The following LSMEM1 variants were observed in gnomAD, a reference collection of about 807,000 sequenced individuals.
LSMEM1 encodes the protein leucine-rich single-pass membrane protein 1.
A neutral mutation model predicts 11.3 loss-of-function variants in LSMEM1; 10 were observed. That is an observed-to-expected ratio of 0.89 (90% CI 0.55 to 1.50). The LOEUF (loss-of-function observed/expected upper bound fraction) is 1.50. Ranked by LOEUF, LSMEM1 falls within the 40% of genes most tolerant of loss-of-function variation. The pLI, the probability that LSMEM1 is intolerant of heterozygous loss-of-function variation, is 0.00. For synonymous variants in LSMEM1, 65 were observed against 59.3 expected (o/e 1.10, Z -0.44); for missense variants, 151 against 152.9 (o/e 0.99, Z 0.06).
chr7:112,484,700 T>G lies in LSMEM1; in HGVS notation c.-5-112T>G. ...TCTCTAGAGCCTTAGTTGAAAATAC[T>G]ATTTGTGGGTGGTTCTTCATAGGCC... is the stretch of plus-strand genomic sequence containing the variant. On this transcript the variant is annotated intron_variant, in intron 1 of 3. Coordinates refer to ENST00000312849, the MANE Select transcript of LSMEM1 (RefSeq NM_182597.3). 1.0e-5 allele frequency: 11 copies of G among 1,071,014 alleles called. No individual in the cohort carries two copies. In the South Asian group the frequency reaches 1.8e-4, roughly 17 times the overall value. 66.3% of individuals were successfully genotyped at this position (1,071,014 alleles called of 1,614,324 possible).
chr7:112,486,775 C>CA (rs925655074), intron 2 of LSMEM1, 148 bp from the exon 3 acceptor site: 1,502 of 1,089,432 alleles, frequency 1.4e-3, no homozygotes, highest in Non-Finnish European at 1.5e-3. Flanking sequence ...GACTCTGTCT[C>CA]AAAAAAAAAG....
chr7:112,487,510 A>G (rs1225862248), intron 3 of LSMEM1, among the ~76,000 whole-genome samples: 1 of 152,244 alleles, frequency 6.6e-6, no homozygotes, highest in Non-Finnish European at 1.5e-5. Context: ...GGCTTGTGCA[A>G]GGCCCCAGAG....
chr7:112,487,416 C>T (rs374339386), intron 3 of LSMEM1, among the ~76,000 whole-genome samples: 3 of 152,350 alleles, frequency 2.0e-5, no homozygotes, highest in African/African-American at 7.2e-5. Context: ...TCTATAACAT[C>T]GAAACATTGA....
rs1041902897 is a variant in LSMEM1, at chr7:112,487,054, A to C, written c.256+3A>C. The C allele has an allele frequency of 5.0e-6, 8 of 1,613,738 alleles. No individual in the cohort carries two copies. The Admixed American group carries it at 8.3e-5, about 17-fold the overall frequency. On this transcript the variant is annotated splice_donor_region_variant and intron_variant, in intron 3 of 3. Transcript: ENST00000312849. ...TTTTTTCGTGATATTTCTAATAGGTAAGTACCACCACAGGTTTCTTTTTTA... is the reference window on the plus strand; with the variant it reads ...TTTTTTCGTGATATTTCTAATAGGTCAGTACCACCACAGGTTTCTTTTTTA...
At chr7:112,485,020 T>C in intron 2 of LSMEM1, 77 bp downstream of exon 2, 2 of 1,377,906 alleles carry the variant, frequency 1.5e-6, no homozygotes, top group Non-Finnish European at 2.0e-6. Context: ...TGACTGGATG[T>C]GTGGGTGTGG....
At chr7:112,488,506 T>C (rs1796180191) in intron 3 of LSMEM1, among the ~76,000 whole-genome samples, 1 of 152,104 alleles carries the variant, frequency 6.6e-6, no homozygotes, top group South Asian at 2.1e-4. Context: ...ATATATTGAG[T>C]CATTACTCTG....
intron 3 of LSMEM1, among the ~76,000 whole-genome samples, chr7:112,488,603 TA>T (rs1249984358): frequency 1.5e-5 from 2 of 130,612 alleles, no homozygotes; most frequent in South Asian, 2.6e-4. Context: ...TTATTATTAT[TA>T]TTATTTTTAT....
At chr7:112,485,012 ACT>A in intron 2 of LSMEM1, 69 bp downstream of exon 2, 1 of 1,446,450 alleles carries the variant, frequency 6.9e-7, no homozygotes, top group Non-Finnish European at 9.3e-7. Context: ...GCCACTGCTG[ACT>A]GGATGTGTGG....
chr7:112,486,917 T>C lies in LSMEM1; in HGVS notation c.128-6T>C, dbSNP rs1431141409. 1.9e-6 allele frequency: 3 copies of C among 1,613,842 alleles called. No homozygotes were observed. The highest frequency in any genetic ancestry group is 2.2e-5 in the South Asian group (2 of 91,072). ...TTGTCCTTGTTTTTTGTTTGTTTCA[T>C]ATTAGCTCTAGAGGACAAAATCCCA... On this transcript the variant is annotated splice_region_variant and splice_polypyrimidine_tract_variant and intron_variant, in intron 2 of 3. Coordinates refer to ENST00000312849, the MANE Select transcript of LSMEM1 (RefSeq NM_182597.3).
chr7:112,483,394 A>G (rs1488507230), intron 1 of LSMEM1: 2 of 152,184 alleles, frequency 1.3e-5, no homozygotes, highest in African/African-American at 4.8e-5. Flanking sequence ...TGAGATTTAA[A>G]TCCTAAATAA....
At chr7:112,486,033 A>G (rs1393515067) in intron 2 of LSMEM1, 1 of 152,898 alleles carries the variant, frequency 6.5e-6, no homozygotes, top group East Asian at 1.9e-4. Context: ...TTCTCAGTTC[A>G]ACTGCAAAGC....
At chr7:112,485,772 T>C (rs1796117877) in intron 2 of LSMEM1, among the ~76,000 whole-genome samples, 1 of 152,018 alleles carries the variant, frequency 6.6e-6, no homozygotes, top group South Asian at 2.1e-4. Flanking sequence ...GCATAGGATG[T>C]ACTTATAAGG....
At position 112,490,029 on chromosome 7, in the gene LSMEM1, A is replaced by C; in HGVS notation, c.*80A>C. 1 of 1,468,930 alleles carries C rather than the reference A, an allele frequency of 6.8e-7. No individual in the cohort carries two copies. The highest frequency in any genetic ancestry group is 1.8e-4 in the Middle Eastern group (1 of 5,554). 91.0% of individuals were successfully genotyped at this position (1,468,930 alleles called of 1,614,324 possible). ...GAGTGTACAGGGTTAGGAACTGAGA[A>C]AGTGCACTTCCTCAGGCAACAGATG... On this transcript the variant is annotated 3_prime_UTR_variant, in exon 4 of 4. Transcript: ENST00000312849.
At chr7:112,489,767 A>C (rs766838099) in intron 3 of LSMEM1, 43 bp from the exon 4 acceptor site, 25 of 1,581,962 alleles carry the variant, frequency 1.6e-5, no homozygotes, top group Non-Finnish European at 2.1e-5. Context: ...TCAGTGGAAC[A>C]CAGTGGAAAC....
In LSMEM1 at chr7:112,488,107, C is replaced by T. The variant is rs192893294; in HGVS notation, c.256+1056C>T. On this transcript the variant is annotated intron_variant, in intron 3 of 3. Transcript: ENST00000312849. ...CTCCTTACAGCTTGAAGGTCTTTAT[C>T]TAGCCTCTGGAGAAAAGGGTTGGGA... 5.0e-3 allele frequency among the ~76,000 whole-genome samples: 761 copies of T among 152,218 alleles called. 19 individuals carry two copies. The highest frequency in any genetic ancestry group is 4.1e-3 in the East Asian group (21 of 5,182).
chr7:112,484,884 A>C lies in LSMEM1; in HGVS notation c.68A>C (p.Asp23Ala). 6.2e-7 allele frequency: 1 copy of C among 1,613,872 alleles called. No individual in the cohort carries two copies. The highest frequency in any genetic ancestry group is 8.5e-7 in the Non-Finnish European group (1 of 1,179,824). The change falls in exon 2 of 4, where the codon GAT becomes GCT. Residue 23 changes from aspartate (D) to alanine (A), a missense_variant. By Grantham distance (126) the Asp-to-Ala change is moderately radical. Transcript: ENST00000312849. ...IQEDGKLYVV[D>A]SINDLNKLNL... ...GAAGATGGAAAGCTTTATGTGGTGG[A>C]TTCCATAAATGACTTAAACAAACTA...
chr7:112,489,005 T>C (rs3128377), intron 3 of LSMEM1, among the ~76,000 whole-genome samples: 123,630 of 152,216 alleles, frequency 0.81, 51,578 homozygotes, highest in Middle Eastern at 0.93. Flanking sequence ...GGCTCAAGGA[T>C]ACTCCACTTG....
intron 3 of LSMEM1, among the ~76,000 whole-genome samples, chr7:112,487,953 T>C (rs926793435): frequency 6.6e-6 from 1 of 152,190 alleles, no homozygotes; most frequent in Non-Finnish European, 1.5e-5. Flanking sequence ...TTGGAAGGGC[T>C]CTAATTTAAT....
At chr7:112,489,390 G>A (rs542847291) in intron 3 of LSMEM1, among the ~76,000 whole-genome samples, 45 of 152,324 alleles carry the variant, frequency 3.0e-4, no homozygotes, top group African/African-American at 9.1e-4. Flanking sequence ...TTCAGAACAA[G>A]CAGACTTATG....
Sources: allele counts gnomAD v4.1 joint callset (sites outside exome capture counted in the v4.1 genomes callset), GRCh38; gene constraint gnomAD v4.1.1; transcripts MANE v1.5; gene names NCBI Gene and HGNC (gene_info 2026-07-23, HGNC 2026-07-21).